Variants in DLGAP5 observed in about 807,000 individuals in gnomAD.
The protein encoded by DLGAP5 is disks large-associated protein 5.
Under a neutral mutation model 99.6 loss-of-function variants are expected in DLGAP5, and 90 were observed. The observed-to-expected ratio is 0.90, with a 90% CI of 0.76 to 1.08. DLGAP5 has a LOEUF of 1.08. Among genes scored for constraint, DLGAP5 ranks in the 50% least tolerant of loss-of-function variants. The pLI is 0.00. For synonymous variants in DLGAP5, 311 were observed against 321.3 expected, an observed-to-expected ratio of 0.97 and a Z score of 0.34; for missense variants, 1,036 against 983.5, an observed-to-expected ratio of 1.05 and a Z score of -0.71.
At chr14:55,161,098 G>A (rs1387843528) in intron 13 of DLGAP5, among the ~76,000 whole-genome samples, 1 of 152,142 alleles carries the variant, frequency 6.6e-6, no homozygotes, top group Admixed American at 6.5e-5. Flanking sequence ...AGAGGTAGTA[G>A]GGAGTGGTAT....
rs148945125 is a variant in DLGAP5, at chr14:55,152,649, T to C, written c.2064-2A>G. The C allele has an allele frequency of 3.8e-6, 6 of 1,591,558 alleles. No individual in the cohort carries two copies. The highest frequency in any genetic ancestry group is 4.3e-6 in the Non-Finnish European group (5 of 1,171,876). ...CACTGAGCATCTTCTATGCTGCTCC[T>C]AAAGAAGAAAAAAAGCAGCATTACA... is the stretch of plus-strand genomic sequence containing the variant. On this transcript the variant is annotated splice_acceptor_variant, in intron 15 of 18. Transcript: ENST00000247191. LOFTEE classifies it high-confidence loss of function.
chr14:55,180,386 T>C (rs1280784164), intron 6 of DLGAP5, among the ~76,000 whole-genome samples: 1 of 152,222 alleles, frequency 6.6e-6, no homozygotes, highest in Non-Finnish European at 1.5e-5. Context: ...AATGGCTACG[T>C]TGTATTGCAC....
intron 12 of DLGAP5, among the ~76,000 whole-genome samples, chr14:55,164,653 G>A (rs1165710566): frequency 6.6e-6 from 1 of 152,090 alleles, no homozygotes; most frequent in Non-Finnish European, 1.5e-5. Context: ...CGGGTGCAGT[G>A]GCACACCCCT....
Position 55,163,147 on chromosome 14 carries a change from T to TA in DLGAP5, c.1549-73dup, listed in dbSNP as rs879223272. ...AGTTATAAACGAATGAGCTGAAGAC[T>TA]AAAAAAAAATTAAAAATAGTGATTC... is the stretch of plus-strand genomic sequence containing the variant. On this transcript the variant is annotated intron_variant, in intron 12 of 18. Coordinates refer to ENST00000247191, the MANE Select transcript of DLGAP5 (RefSeq NM_014750.5). 341 of 822,692 alleles carry TA rather than the reference T, an allele frequency of 4.1e-4. 1 individual carries two copies. Among genetic ancestry groups the TA allele is most frequent in the South Asian group, 1.3e-3 (49 of 36,864 alleles). 51.0% of individuals were successfully genotyped at this position (822,692 alleles called of 1,614,324 possible).
At chr14:55,188,379 G>A (rs1883494603) in intron 2 of DLGAP5, among the ~76,000 whole-genome samples, 1 of 152,144 alleles carries the variant, frequency 6.6e-6, no homozygotes, top group African/African-American at 2.4e-5. Flanking sequence ...TGGGCAAACT[G>A]CAAGGATGAA....
chr14:55,151,755 T>C lies in DLGAP5; in HGVS notation c.2308A>G (p.Lys770Glu). 6.2e-7 allele frequency: 1 copy of C among 1,613,994 alleles called. No homozygotes were observed. ...ATGCTATTTTGTGAAGCTGTATTTT[T>C]TTCAGGGCTACTCATCAAAACATCC... Reference protein sequence around the residue: ...SQDVLMSSPEKNTASQNSILE... With the variant: ...SQDVLMSSPEENTASQNSILE... Residue 770 changes from lysine to glutamate, a missense_variant, in exon 17 of 19, where the codon AAA becomes GAA. Lys to Glu is a moderately conservative substitution (Grantham distance 56, BLOSUM62 1). Coordinates refer to ENST00000247191, the MANE Select transcript of DLGAP5 (RefSeq NM_014750.5).
intron 10 of DLGAP5, among the ~76,000 whole-genome samples, chr14:55,172,388 C>A (rs1353426563): frequency 6.7e-6 from 1 of 150,324 alleles, no homozygotes; most frequent in Non-Finnish European, 1.5e-5. Context: ...CACCTAACAT[C>A]AGTTTCCCTC....
rs1011158350 is a variant in DLGAP5, at chr14:55,154,909, C to T, written c.1874-103G>A. 15 of 985,054 alleles carry T rather than the reference C, an allele frequency of 1.5e-5. No individual in the cohort carries two copies. The African/African-American group carries it at 2.5e-4, about 16-fold the overall frequency. 61.0% of individuals were successfully genotyped at this position (985,054 alleles called of 1,614,324 possible). ...CTATCAATTAGCCTCTTTCTCCTGTCAAATAATGTCTGTTAAAGACAAATG... is the reference window on the plus strand; with the variant it reads ...CTATCAATTAGCCTCTTTCTCCTGTTAAATAATGTCTGTTAAAGACAAATG... On this transcript the variant is annotated intron_variant, in intron 14 of 18. Transcript: ENST00000247191.
At chr14:55,182,253 G>A (rs1883303581) in intron 4 of DLGAP5, 117 bp downstream of exon 4, 1 of 842,120 alleles carries the variant, frequency 1.2e-6, no homozygotes, top group South Asian at 1.8e-5. Flanking sequence ...TTTGGTACCT[G>A]TTAACTCTAG....
chr14:55,159,687 ATT>A (rs1419458079), intron 13 of DLGAP5, among the ~76,000 whole-genome samples: 1 of 152,152 alleles, frequency 6.6e-6, no homozygotes, highest in Non-Finnish European at 1.5e-5. Flanking sequence ...TTTAAGGTAT[ATT>A]GAGTCATGAT....
chr14:55,151,745 G>C lies in DLGAP5; in HGVS notation c.2318C>G (p.Ala773Gly), dbSNP rs751999434. 1 of 1,613,842 alleles carries C rather than the reference G, an allele frequency of 6.2e-7. No individual in the cohort carries two copies. The highest frequency in any genetic ancestry group is 8.5e-7 in the Non-Finnish European group (1 of 1,179,890). ...VLMSSPEKNT[A>G]SQNSILEEGE... ...TTCTTCTAAGATGCTATTTTGTGAAGCTGTATTTTTTTCAGGGCTACTCAT... is the reference window on the plus strand; with the variant it reads ...TTCTTCTAAGATGCTATTTTGTGAACCTGTATTTTTTTCAGGGCTACTCAT... Residue 773 changes from alanine (A) to glycine (G), a missense_variant, in exon 17 of 19, where the codon GCT becomes GGT. By Grantham distance (60) the Ala-to-Gly change is moderately conservative (BLOSUM62 0). Coordinates refer to ENST00000247191, the MANE Select transcript of DLGAP5 (RefSeq NM_014750.5).
intron 2 of DLGAP5, among the ~76,000 whole-genome samples, 163 bp downstream of exon 2, chr14:55,188,779 T>TAAAAA: frequency 8.6e-6 from 1 of 116,244 alleles, no homozygotes; most frequent in Non-Finnish European, 1.8e-5. Flanking sequence ...TCTTGTAATT[T>TAAAAA]AAAAAAAAAA....
At chr14:55,185,197 CTTTTA>C (rs1039367121) in intron 2 of DLGAP5, among the ~76,000 whole-genome samples, 3 of 152,036 alleles carry the variant, frequency 2.0e-5, no homozygotes, top group African/African-American at 2.4e-5. Context: ...ACTATCAACA[CTTTTA>C]TTTATTTATT....
At chr14:55,189,407 G>A (rs1272045271) in intron 1 of DLGAP5, among the ~76,000 whole-genome samples, 2 of 152,062 alleles carry the variant, frequency 1.3e-5, no homozygotes, top group Non-Finnish European at 2.9e-5. Context: ...TGAAGAGAAA[G>A]CCAGTAAGTG....
intron 2 of DLGAP5, among the ~76,000 whole-genome samples, chr14:55,185,155 C>CA (rs1049690917): frequency 2.0e-4 from 31 of 152,154 alleles, no homozygotes; most frequent in Admixed American, 4.6e-4. Flanking sequence ...CCATTTAAGG[C>CA]AAAATTCTTC....
In DLGAP5 at chr14:55,154,636, AAAAC is replaced by A. The variant is rs1566494001; in HGVS notation, c.2040_2043del (p.Leu680PhefsTer2). ...AAATACCTGCTTTCAGGAATACTCA[AAAAC>A]AAAGTCTTCTTCACATGTTCACTTT... On this transcript the variant is annotated frameshift_variant, in exon 15 of 19. Transcript: ENST00000247191. LOFTEE classifies it high-confidence loss of function. The A allele has an allele frequency of 6.2e-7, 1 of 1,614,098 alleles. No individual in the cohort carries two copies. Among genetic ancestry groups the A allele is most frequent in the South Asian group, 1.1e-5 (1 of 91,082 alleles).
At chr14:55,171,749 TGTG>T (rs1882866996) in intron 10 of DLGAP5, among the ~76,000 whole-genome samples, 1 of 152,068 alleles carries the variant, frequency 6.6e-6, no homozygotes, top group Admixed American at 6.5e-5. Flanking sequence ...ATAAGCAAAA[TGTG>T]GTATATACAT....
At position 55,180,503 on chromosome 14, in the gene DLGAP5, G is replaced by A. The variant is rs1408152794; in HGVS notation, c.703+153C>T. Among the ~76,000 whole-genome samples, 3 of 152,196 alleles carry A rather than the reference G, an allele frequency of 2.0e-5. No individual in the cohort carries two copies. In the East Asian group the frequency reaches 5.8e-4, roughly 29 times the overall value. On this transcript the variant is annotated intron_variant, in intron 6 of 18. Transcript: ENST00000247191. ...TTGGGCACCCATTGTGTGCTAACCAGATGTCAGGGCACAGAATCTATTTTC... is the reference window on the plus strand; with the variant it reads ...TTGGGCACCCATTGTGTGCTAACCAAATGTCAGGGCACAGAATCTATTTTC...
At chr14:55,164,662 CT>C (rs1441142492) in intron 12 of DLGAP5, among the ~76,000 whole-genome samples, 3 of 152,088 alleles carry the variant, frequency 2.0e-5, no homozygotes, top group African/African-American at 7.2e-5. Flanking sequence ...TGGCACACCC[CT>C]GTAATCCCAG....
Sources: gnomAD v4.1 joint callset for allele counts (sites outside exome capture counted in the v4.1 genomes callset) on GRCh38, gnomAD v4.1.1 for gene constraint, MANE v1.5 for transcripts, NCBI Gene and HGNC (gene_info 2026-07-23, HGNC 2026-07-21) for gene names.